Variants in FRY observed in about 807,000 individuals in gnomAD.
The protein encoded by FRY is FRY microtubule binding protein, also known as protein furry homolog.
FRY carries 128 observed loss-of-function variants against 348.4 expected under a neutral mutation model. The ratio of observed to expected loss-of-function variants is 0.37; its 90% CI spans 0.32 to 0.43. The LOEUF is 0.43. Among genes scored for constraint, FRY ranks in the 20% least tolerant of loss-of-function variants. The pLI, the probability that FRY is intolerant of heterozygous loss-of-function variation, is 1.00. For synonymous variants in FRY, 1,370 were observed against 1,374.7 expected, an observed-to-expected ratio of 1.00 and a Z score of 0.08; for missense variants, 2,736 against 3,695.2, an observed-to-expected ratio of 0.74 and a Z score of 6.73.
At chr13:32,190,324 T>C (rs568690161) in intron 28 of FRY, among the ~76,000 whole-genome samples, 2 of 152,146 alleles carry the variant, frequency 1.3e-5, no homozygotes, top group East Asian at 3.9e-4. Flanking sequence ...TCCTAGCCAA[T>C]GCAGTAGGAA....
intron 1 of FRY, chr13:32,060,976 T>C: frequency 9.3e-6 from 4 of 430,878 alleles, no homozygotes; most frequent in East Asian, 7.0e-5. Context: ...GGGCCCTGCA[T>C]TGTGGCTGAG....
chr13:32,165,169 A>T (rs567331012), intron 17 of FRY, among the ~76,000 whole-genome samples: 1 of 152,222 alleles, frequency 6.6e-6, no homozygotes, highest in Non-Finnish European at 1.5e-5. Flanking sequence ...CATTGGTTTT[A>T]TGCAAAATAA....
intron 1 of FRY, among the ~76,000 whole-genome samples, chr13:32,042,570 A>T (rs1872800087): frequency 6.8e-6 from 1 of 147,444 alleles, no homozygotes; most frequent in South Asian, 2.1e-4. Context: ...TAGAAGCTCA[A>T]AGACCTAGAC....
chr13:32,254,410 T>C lies in FRY; in HGVS notation c.7416+16T>C. The C allele has an allele frequency of 3.1e-6, 5 of 1,609,772 alleles. No individual in the cohort carries two copies. Among genetic ancestry groups the C allele is most frequent in the Non-Finnish European group, 4.3e-6 (5 of 1,175,944 alleles). ...GGATGGAGAGGTACGGTGTATTCTC[T>C]GTAAAAATAATCCCCGCACCCTTTT... On this transcript the variant is annotated intron_variant, in intron 51 of 60. Coordinates refer to ENST00000542859, the MANE Select transcript of FRY (RefSeq NM_023037.3).
At chr13:32,087,575 A>C (rs204566) in intron 2 of FRY, among the ~76,000 whole-genome samples, 1 of 152,048 alleles carries the variant, frequency 6.6e-6, no homozygotes, top group East Asian at 1.9e-4. Context: ...ATACATACTC[A>C]TCCCAGCTTC....
chr13:32,218,050 A>G (rs1363579904), intron 35 of FRY, among the ~76,000 whole-genome samples: 1 of 152,174 alleles, frequency 6.6e-6, no homozygotes. Context: ...TGTATTTCCC[A>G]TTCTATGTAC....
In FRY at chr13:32,296,432, G is replaced by A. The variant is rs1375785803; in HGVS notation, c.*972G>A. ...TTTATGTGTAATATATATGTAAAGG[G>A]CCATTCTTAAGTTCTCTCCTTAAAC... On this transcript the variant is annotated 3_prime_UTR_variant, in exon 61 of 61. Coordinates refer to ENST00000542859, the MANE Select transcript of FRY (RefSeq NM_023037.3). 6.6e-6 allele frequency: 1 copy of A among 152,454 alleles called. No homozygotes were observed. Among genetic ancestry groups the A allele is most frequent in the African/African-American group, 2.4e-5 (1 of 41,368 alleles). The allele number at this position is 152,454 out of a possible 1,614,324, so 9.4% of individuals were successfully genotyped here.
At chr13:32,275,121 G>A in intron 56 of FRY, 130 bp downstream of exon 56, 1 of 779,922 alleles carries the variant, frequency 1.3e-6, no homozygotes, top group Non-Finnish European at 2.2e-6. Flanking sequence ...GCTCAAGCCT[G>A]TAATCCCAGC....
chr13:32,253,372 C>G (rs566143694), intron 50 of FRY, among the ~76,000 whole-genome samples: 3 of 152,156 alleles, frequency 2.0e-5, no homozygotes, highest in Non-Finnish European at 4.4e-5. Context: ...AGATGTTTAT[C>G]GTATTTAAAT....
At chr13:32,223,138 A>T (rs956434991) in intron 36 of FRY, among the ~76,000 whole-genome samples, 4 of 151,960 alleles carry the variant, frequency 2.6e-5, no homozygotes, top group Non-Finnish European at 5.9e-5. Context: ...TTGTATTTTT[A>T]GTAGAGATGG....
At position 32,239,901 on chromosome 13, in the gene FRY, T is replaced by C. The variant is rs1593787735; in HGVS notation, c.6687+20T>C. On this transcript the variant is annotated intron_variant, in intron 46 of 60. Coordinates refer to ENST00000542859, the MANE Select transcript of FRY (RefSeq NM_023037.3). This position sits in a 1 kb window ranked among gnomAD's most constrained non-coding sequence, Gnocchi z 4.3. ...GCAGAGGTAAGCTTTTTTTTTTTGT[T>C]TTTTGAGACAGGGTCTCATTATGTT... 6.2e-7 allele frequency: 1 copy of C among 1,609,352 alleles called. No individual in the cohort carries two copies.
chr13:32,045,226 T>A (rs564662025), intron 1 of FRY, among the ~76,000 whole-genome samples: 11 of 152,310 alleles, frequency 7.2e-5, no homozygotes, highest in African/African-American at 2.6e-4. Context: ...GAAACTAGAC[T>A]TTTTTTCAAC....
At chr13:32,226,174 A>C (rs1412499863) in intron 39 of FRY, among the ~76,000 whole-genome samples, 200 bp downstream of exon 39, 3 of 152,194 alleles carry the variant, frequency 2.0e-5, no homozygotes, top group Non-Finnish European at 2.9e-5. Context: ...ATTATTGAAT[A>C]TTTGAAATAT....
At chr13:32,060,707 T>A (rs1464379772) in intron 1 of FRY, among the ~76,000 whole-genome samples, 1 of 152,202 alleles carries the variant, frequency 6.6e-6, no homozygotes, top group African/African-American at 2.4e-5. Flanking sequence ...ATGGACTGTT[T>A]ATGGCAAACT....
chr13:32,293,229 C>T (rs997736955), intron 59 of FRY, among the ~76,000 whole-genome samples: 10 of 152,074 alleles, frequency 6.6e-5, no homozygotes, highest in Non-Finnish European at 1.3e-4. Flanking sequence ...TGTATATATA[C>T]ACACATAATG....
At chr13:32,242,329 A>G (rs1886553468) in intron 46 of FRY, among the ~76,000 whole-genome samples, 2 of 152,214 alleles carry the variant, frequency 1.3e-5, no homozygotes, top group Admixed American at 1.3e-4. Flanking sequence ...TGGTCTTCAT[A>G]AAGATCCCCC....
chr13:32,133,764 C>CTTTTTTTTTTTTTTTTTTTTTTTT (rs1259372646), intron 8 of FRY, among the ~76,000 whole-genome samples: 31 of 108,460 alleles, frequency 2.9e-4, no homozygotes, highest in Non-Finnish European at 5.5e-4. Context: ...TTCTTTCTTT[C>CTTTTTTTTTTTTTTTTTTTTTTTT]TTTCTTTTTT....
chr13:32,088,594 T>A (rs1249696678), intron 2 of FRY, among the ~76,000 whole-genome samples: 2 of 152,184 alleles, frequency 1.3e-5, no homozygotes, highest in Non-Finnish European at 1.5e-5. Flanking sequence ...CTTGGAGACA[T>A]GTAGATGAAA....
chr13:32,085,783 G>A (rs932936603), intron 2 of FRY: 8 of 483,002 alleles, frequency 1.7e-5, no homozygotes, highest in African/African-American at 1.6e-4. Flanking sequence ...TTGAGCAGGG[G>A]ACTTGACTGT....
Sources: gnomAD v4.1 joint callset for allele counts (sites outside exome capture counted in the v4.1 genomes callset) on GRCh38, gnomAD v4.1.1 for gene constraint, Gnocchi (gnomAD v3.1) non-coding constraint, MANE v1.5 for transcripts, NCBI Gene and HGNC (gene_info 2026-07-23, HGNC 2026-07-21) for gene names.